RAD51B: variants seen among roughly 807,000 people sequenced by gnomAD.
The protein encoded by RAD51B is RAD51 paralog B.
In RAD51B, 38 loss-of-function variants were observed where a neutral mutation model predicts 42.2. The observed-to-expected ratio is 0.90, with a 90% CI of 0.70 to 1.18. RAD51B has a LOEUF of 1.18. Among genes scored for constraint, RAD51B ranks in the 50% most tolerant of loss-of-function variants. RAD51B has a pLI of 0.00. For missense variants in RAD51B, 373 were observed against 400.7 expected (o/e 0.93, Z 0.59); for synonymous variants, 154 against 145.2 (o/e 1.06, Z -0.43).
intron 7 of RAD51B, among the ~76,000 whole-genome samples, chr14:68,289,228 T>G (rs2081470638): frequency 6.6e-6 from 1 of 152,206 alleles, no homozygotes; most frequent in Non-Finnish European, 1.5e-5. Flanking sequence ...AACAATTGCT[T>G]CTATTTATTG....
chr14:67,981,621 AC>A (rs911685149), intron 7 of RAD51B, among the ~76,000 whole-genome samples: 2 of 152,254 alleles, frequency 1.3e-5, no homozygotes, highest in Non-Finnish European at 2.9e-5. Context: ...AATACTATTT[AC>A]AATAAAAATG....
Position 67,865,115 on chromosome 14 carries a change from C to T in RAD51B, c.428C>T (p.Thr143Ile), listed in dbSNP as rs143457995. ...GLEGAVVYID[T>I]ESAFSAERLV... The stretch of plus-strand genomic sequence containing the variant: ...GAAGGAGCTGTGGTGTACATTGACA[C>T]AGAGTCTGCATTTAGTGCTGAAAGG... The change falls in exon 5 of 11, where the codon ACA (threonine) becomes ATA (isoleucine). Residue 143 changes from threonine to isoleucine, a missense_variant. By Grantham distance (89) the Thr-to-Ile change is moderately conservative (BLOSUM62 -1). Transcript: ENST00000471583. 63 of 1,602,290 alleles carry T rather than the reference C, an allele frequency of 3.9e-5. No homozygotes were observed. In the South Asian group the frequency reaches 5.5e-4, roughly 14 times the overall value.
At chr14:68,365,401 G>A (rs2083121096) in intron 8 of RAD51B, among the ~76,000 whole-genome samples, 1 of 152,212 alleles carries the variant, frequency 6.6e-6, no homozygotes, top group Non-Finnish European at 1.5e-5. Flanking sequence ...GCTGCTGAAG[G>A]CAGTCCCACC....
chr14:68,679,981 T>C (rs757332719), intron 11 of RAD51B, among the ~76,000 whole-genome samples: 1 of 152,234 alleles, frequency 6.6e-6, no homozygotes, highest in African/African-American at 2.4e-5. Context: ...ATAAGTAAGA[T>C]AAAAGTGAAA....
intron 10 of RAD51B, among the ~76,000 whole-genome samples, chr14:68,498,558 T>C (rs1023880768): frequency 6.6e-6 from 1 of 152,184 alleles, no homozygotes; most frequent in Non-Finnish European, 1.5e-5. Flanking sequence ...TTGTGCAGAC[T>C]GAACTCTACA....
At chr14:67,949,304 A>C (rs934410967) in intron 7 of RAD51B, among the ~76,000 whole-genome samples, 1 of 152,164 alleles carries the variant, frequency 6.6e-6, no homozygotes, top group African/African-American at 2.4e-5. Context: ...TTATCAACTA[A>C]ATTTATGAAA....
At chr14:67,944,399 T>C (rs901613457) in intron 7 of RAD51B, among the ~76,000 whole-genome samples, 9 of 152,162 alleles carry the variant, frequency 5.9e-5, no homozygotes, top group African/African-American at 2.2e-4. Context: ...GCTGTCTTTG[T>C]CTCTGTATTT....
At chr14:67,834,346 A>G (rs35010674) in intron 3 of RAD51B, among the ~76,000 whole-genome samples, 5,473 of 150,378 alleles carry the variant, frequency 0.036, 297 homozygotes, top group African/African-American at 0.12. Flanking sequence ...CAAATAAGGT[A>G]ATATTCACAG....
At chr14:68,573,170 C>A (rs1889795935) in intron 10 of RAD51B, among the ~76,000 whole-genome samples, 2 of 152,196 alleles carry the variant, frequency 1.3e-5, no homozygotes, top group African/African-American at 2.4e-5. Context: ...AGCCTTCCAG[C>A]AGTTCTCACC....
intron 10 of RAD51B, among the ~76,000 whole-genome samples, chr14:68,535,434 C>T (rs1336401163): frequency 1.5e-5 from 2 of 131,206 alleles, no homozygotes; most frequent in African/African-American, 5.6e-5. Flanking sequence ...TTTTTAGTTT[C>T]TGCATATTCC....
At chr14:68,129,143 T>C (rs966266312) in intron 7 of RAD51B, among the ~76,000 whole-genome samples, 1 of 152,224 alleles carries the variant, frequency 6.6e-6, no homozygotes, top group African/African-American at 2.4e-5. Context: ...GTTAACTTAT[T>C]TGTTTAAGGT....
At chr14:68,559,789 C>T (rs1223429176) in intron 10 of RAD51B, among the ~76,000 whole-genome samples, 3 of 152,140 alleles carry the variant, frequency 2.0e-5, no homozygotes, top group African/African-American at 4.8e-5. Flanking sequence ...AAAGGTCTGT[C>T]GTCTTGACCA....
At chr14:68,527,790 G>A (rs548139776) in intron 10 of RAD51B, among the ~76,000 whole-genome samples, 2 of 152,200 alleles carry the variant, frequency 1.3e-5, no homozygotes, top group Non-Finnish European at 2.9e-5. Context: ...CTAATTTGTA[G>A]AATCATTGAG....
intron 8 of RAD51B, among the ~76,000 whole-genome samples, chr14:68,323,116 A>C (rs937872237): frequency 6.6e-5 from 10 of 152,210 alleles, no homozygotes; most frequent in Non-Finnish European, 1.5e-4. Context: ...GAACACAGGG[A>C]CAAAATAAAT....
Position 68,604,714 on chromosome 14 carries a change from C to T in RAD51B, c.1037-6292C>T, listed in dbSNP as rs576606666. On this transcript the variant is annotated intron_variant, in intron 10 of 10. Transcript: ENST00000487861. ...TTGGAGAAATCTTAGTGCCCATGGG[C>T]CCTCCTCCTCACTGAGGAGCAGAGC... Among the ~76,000 whole-genome samples, 4 of 152,308 alleles carry T rather than the reference C, an allele frequency of 2.6e-5. No homozygotes were observed. The South Asian group carries it at 6.2e-4, about 24-fold the overall frequency.
At chr14:67,913,501 G>A (rs533321376) in intron 7 of RAD51B, among the ~76,000 whole-genome samples, 1 of 152,290 alleles carries the variant, frequency 6.6e-6, no homozygotes, top group South Asian at 2.1e-4. Context: ...TGATGGTGAA[G>A]AAAATAGTGA....
intron 11 of RAD51B, among the ~76,000 whole-genome samples, chr14:68,680,185 A>G (rs536461105): frequency 6.6e-6 from 1 of 152,230 alleles, no homozygotes; most frequent in African/African-American, 2.4e-5. Flanking sequence ...TAGCACTTCC[A>G]TAAGTCTAGA....
chr14:67,977,662 A>G (rs1333462506), intron 7 of RAD51B, among the ~76,000 whole-genome samples: 1 of 152,114 alleles, frequency 6.6e-6, no homozygotes, highest in East Asian at 1.9e-4. Context: ...AAGGGCAATA[A>G]TTGAAATTTT....
At chr14:68,645,084 C>G (rs1196706719) in intron 10 of RAD51B, among the ~76,000 whole-genome samples, 2 of 152,216 alleles carry the variant, frequency 1.3e-5, no homozygotes, top group African/African-American at 4.8e-5. Flanking sequence ...ACCATCACCA[C>G]CATCCATCAC....
Sources: allele counts gnomAD v4.1 joint callset (sites outside exome capture counted in the v4.1 genomes callset), GRCh38; gene constraint gnomAD v4.1.1; transcripts MANE v1.5; gene names NCBI Gene and HGNC (gene_info 2026-07-23, HGNC 2026-07-21).